Variants in RNPEP observed in about 807,000 individuals in gnomAD.
RNPEP encodes the protein arginyl aminopeptidase.
Under a neutral mutation model 70.1 loss-of-function variants are expected in RNPEP, and 57 were observed. That is an observed-to-expected ratio of 0.81 (90% CI 0.66 to 1.01). The LOEUF (loss-of-function observed/expected upper bound fraction) is 1.01. Among genes scored for constraint, RNPEP ranks in the 50% least tolerant of loss-of-function variants. The pLI, the probability that RNPEP is intolerant of heterozygous loss-of-function variation, is 0.00. For missense variants in RNPEP, 787 were observed against 852.4 expected (o/e 0.92, Z 0.96); for synonymous variants, 335 against 357.4 (o/e 0.94, Z 0.71).
chr1:201,984,928 C>T (rs149638824), intron 1 of RNPEP, among the ~76,000 whole-genome samples: 2,921 of 146,420 alleles, frequency 0.02, 101 homozygotes, highest in African/African-American at 0.069. Flanking sequence ...TGTGGTGGCT[C>T]ACATCTGTAA....
At position 201,996,167 on chromosome 1, in the gene RNPEP, C is replaced by A. The variant is rs375216306; in HGVS notation, c.758C>A (p.Pro253His). The change falls in exon 4 of 11, where the codon CCC becomes CAC. Residue 253 changes from proline to histidine, a missense_variant. Transcript: ENST00000295640. ...TTTAGGAGCCGGGTGTGGGCTGAGC[C>A]CTGCCTGATTGATGCTGCCAAGGAG... ...VGPRSRVWAE[P>H]CLIDAAKEEY... 1 of 1,613,942 alleles carries A rather than the reference C, an allele frequency of 6.2e-7. No homozygotes were observed. The highest frequency in any genetic ancestry group is 8.5e-7 in the Non-Finnish European group (1 of 1,179,982).
At position 201,982,870 on chromosome 1, in the gene RNPEP, C is replaced by T; in HGVS notation, c.204C>T (p.Arg68=). 3 of 1,397,908 alleles carry T rather than the reference C, an allele frequency of 2.1e-6. No individual in the cohort carries two copies. Among genetic ancestry groups the T allele is most frequent in the Non-Finnish European group, 1.8e-6 (2 of 1,082,024 alleles). The allele number at this position is 1,397,908 out of a possible 1,614,324, so 86.6% of individuals were successfully genotyped here. A position where few individuals can be genotyped will look rare whatever the true frequency, so the allele number is the denominator to read the frequency against. Residue 68 remains arginine, a synonymous_variant, in exon 1 of 11, where the codon CGC becomes CGT. Coordinates refer to ENST00000295640, the MANE Select transcript of RNPEP (RefSeq NM_020216.4). ...GCGGCACCGCGGTCCTGGACCTGCGCTGCCTGGAGCCCGAGGGCGCCGCCG... is the reference window on the plus strand; with the variant it reads ...GCGGCACCGCGGTCCTGGACCTGCGTTGCCTGGAGCCCGAGGGCGCCGCCG... ...GLSGTAVLDL[R]CLEPEGAAEL... is the part of the protein sequence containing the mutation.
At chr1:201,994,602 T>C (rs1683473324) in intron 3 of RNPEP, among the ~76,000 whole-genome samples, 1 of 152,100 alleles carries the variant, frequency 6.6e-6, no homozygotes, top group Admixed American at 6.6e-5. Flanking sequence ...GTTCCTATGC[T>C]TCAGCAAACG....
At chr1:202,001,813 A>C in intron 8 of RNPEP, 46 bp downstream of exon 8, 1 of 1,162,998 alleles carries the variant, frequency 8.6e-7, no homozygotes, top group Non-Finnish European at 1.3e-6. Context: ...ATAGTAGAGA[A>C]TGAGATCTCA....
intron 1 of RNPEP, chr1:201,983,407 G>C: frequency 6.7e-7 from 1 of 1,491,044 alleles, no homozygotes; most frequent in African/African-American, 1.4e-5. Context: ...TCCAGATTGC[G>C]CCGCATTCCC....
At chr1:202,004,271 G>A (rs576257231) in intron 9 of RNPEP, 83 bp from the exon 10 acceptor site, 9 of 1,478,516 alleles carry the variant, frequency 6.1e-6, no homozygotes, top group South Asian at 1.2e-5. Context: ...CAAGTGATCC[G>A]CCCACCTCAG....
At chr1:202,004,160 A>G (rs954503835) in intron 9 of RNPEP, among the ~76,000 whole-genome samples, 194 bp from the exon 10 acceptor site, 8 of 152,128 alleles carry the variant, frequency 5.3e-5, no homozygotes, top group Admixed American at 4.6e-4. Flanking sequence ...AGTAGCTGGG[A>G]TTACAGGCGT....
intron 9 of RNPEP, 23 bp from the exon 10 acceptor site, chr1:202,004,331 A>G (rs746573152): frequency 1.2e-6 from 2 of 1,613,696 alleles, no homozygotes; most frequent in South Asian, 2.2e-5. Flanking sequence ...ACCAGCCACA[A>G]ACCATTTCTT....
At chr1:201,995,497 AC>A (rs1683512797) in intron 3 of RNPEP, among the ~76,000 whole-genome samples, 1 of 121,210 alleles carries the variant, frequency 8.3e-6, no homozygotes, top group Non-Finnish European at 2.0e-5. Flanking sequence ...AGCCAGGGCA[AC>A]ATAGCGAAAC....
Position 201,999,904 on chromosome 1 carries a change from G to A in RNPEP, c.1093G>A (p.Ala365Thr), listed in dbSNP as rs765846112. 14 of 1,612,478 alleles carry A rather than the reference G, an allele frequency of 8.7e-6. No homozygotes were observed. The highest frequency in any genetic ancestry group is 6.7e-5 in the East Asian group (3 of 44,828). ...QRRISTILFG[A>T]AYTCLEAATG... is the part of the protein sequence containing the mutation. ...GCTTACGTTTGATTCTGCACCAGGC[G>A]CTGCGTACACCTGCTTGGAGGCTGC... Residue 365 changes from alanine (A) to threonine (T), a missense_variant and splice_region_variant, in exon 6 of 11, where the codon GCT (alanine) becomes ACT (threonine). Ala to Thr is a moderately conservative substitution (Grantham distance 58, BLOSUM62 0). Transcript: ENST00000295640.
At chr1:202,005,194 G>T (rs1684004660) in intron 10 of RNPEP, among the ~76,000 whole-genome samples, 2 of 152,174 alleles carry the variant, frequency 1.3e-5, no homozygotes, top group African/African-American at 4.8e-5. Flanking sequence ...ACCGTATGCG[G>T]CTGTGAGCTT....
At chr1:201,983,662 G>T (rs1683022968) in intron 1 of RNPEP, 1 of 1,171,706 alleles carries the variant, frequency 8.5e-7, no homozygotes, top group Non-Finnish European at 1.1e-6. Flanking sequence ...TGAAGTCCTG[G>T]ATTTGATTAA....
rs1252083011 is a variant in RNPEP at position 201,982,930 on chromosome 1, G to A, written c.264G>A (p.Val88=). The A allele has an allele frequency of 2.7e-6, 4 of 1,487,242 alleles. No homozygotes were observed. Among genetic ancestry groups the A allele is most frequent in the African/African-American group, 1.5e-5 (1 of 68,184 alleles). The allele number at this position is 1,487,242 out of a possible 1,614,324, so 92.1% of individuals were successfully genotyped here. A position where few individuals can be genotyped will look rare whatever the true frequency, so the allele number is the denominator to read the frequency against. Reference sequence around the variant, plus strand: ...TGGACTCGCACCCGTGCCTGGAGGTGACGGCGGCGGCGCTGCGGCGGGAGC... The same window carrying A: ...TGGACTCGCACCCGTGCCTGGAGGTAACGGCGGCGGCGCTGCGGCGGGAGC... ...LRLDSHPCLE[V]TAAALRRERP... Residue 88 remains valine, a synonymous_variant, in exon 1 of 11, where the codon GTG becomes GTA. Transcript: ENST00000295640.
intron 3 of RNPEP, among the ~76,000 whole-genome samples, chr1:201,991,414 G>A (rs1274255616): frequency 6.6e-6 from 1 of 152,144 alleles, no homozygotes; most frequent in Non-Finnish European, 1.5e-5. Context: ...GCCGGGCCGT[G>A]GGGGTTTATT....
At chr1:202,001,797 TA>T in intron 8 of RNPEP, 30 bp downstream of exon 8, 1 of 1,277,130 alleles carries the variant, frequency 7.8e-7, no homozygotes, top group Non-Finnish European at 1.1e-6. Flanking sequence ...CACAGGCTTC[TA>T]AAAAATAGTA....
Position 201,989,375 on chromosome 1 carries a change from G to A in RNPEP, c.589-8G>A, listed in dbSNP as rs544152156. ...AGGTAAAATCTCCTAAGCTTTCTCT[G>A]TTGTCAGGTCCCAGATGGCTTCACA... is the stretch of plus-strand genomic sequence containing the variant. On this transcript the variant is annotated splice_polypyrimidine_tract_variant and splice_region_variant and intron_variant, in intron 2 of 10. Coordinates refer to ENST00000295640, the MANE Select transcript of RNPEP (RefSeq NM_020216.4). 1 of 1,613,252 alleles carries A rather than the reference G, an allele frequency of 6.2e-7. No individual in the cohort carries two copies. The highest frequency in any genetic ancestry group is 2.2e-5 in the East Asian group (1 of 44,874).
chr1:202,001,413 C>G lies in RNPEP; in HGVS notation c.1242C>G (p.Tyr414Ter). The change falls in exon 7 of 11, where the codon TAC (tyrosine) becomes TAG (stop). Residue 414 changes from tyrosine to a stop codon, truncating the protein, a stop_gained. Coordinates refer to ENST00000295640, the MANE Select transcript of RNPEP (RefSeq NM_020216.4). LOFTEE classifies it high-confidence loss of function. ...DPDDTYNETPYEKGFCFVSYL... is the reference protein window; with the variant it reads ...DPDDTYNETP Reference sequence around the variant, plus strand: ...ACGACACCTATAATGAGACCCCCTACGAGAAAGGTTTCTGCTTTGTTTCAT... The same window carrying G: ...ACGACACCTATAATGAGACCCCCTAGGAGAAAGGTTTCTGCTTTGTTTCAT... 6.2e-7 allele frequency: 1 copy of G among 1,613,882 alleles called. No homozygotes were observed. The highest frequency in any genetic ancestry group is 8.5e-7 in the Non-Finnish European group (1 of 1,179,814).
At position 201,982,846 on chromosome 1, in the gene RNPEP, C is replaced by T. The variant is rs533182047; in HGVS notation, c.180C>T (p.Ser60=). ...PGPGAGSRGL[S]GTAVLDLRCL... ...CCGGCGCAGGGAGCCGGGGGCTGAG[C>T]GGCACCGCGGTCCTGGACCTGCGCT... The change falls in exon 1 of 11, where the codon AGC becomes AGT. Residue 60 remains serine (S), a synonymous_variant. Coordinates refer to ENST00000295640, the MANE Select transcript of RNPEP (RefSeq NM_020216.4). The T allele has an allele frequency of 6.1e-5, 83 of 1,349,920 alleles. No homozygotes were observed. In the African/African-American group the frequency reaches 1.2e-3, roughly 20 times the overall value. The allele number at this position is 1,349,920 out of a possible 1,614,324, so 83.6% of individuals were successfully genotyped here. A position where few individuals can be genotyped will look rare whatever the true frequency, so the allele number is the denominator to read the frequency against.
Position 202,004,345 on chromosome 1 carries a change from C to T in RNPEP, c.1652-9C>T. On this transcript the variant is annotated splice_polypyrimidine_tract_variant and intron_variant, in intron 9 of 10. Transcript: ENST00000295640. ...GACCAGCCACAAACCATTTCTTTCT[C>T]TTCTCCAGGGAATGTGAAAAAACTT... 6.2e-7 allele frequency: 1 copy of T among 1,614,004 alleles called. No homozygotes were observed.
Sources: gnomAD v4.1 joint callset for allele counts (sites outside exome capture counted in the v4.1 genomes callset) on GRCh38, gnomAD v4.1.1 for gene constraint, MANE v1.5 for transcripts, NCBI Gene and HGNC (gene_info 2026-07-23, HGNC 2026-07-21) for gene names.